REV1: variants seen among roughly 807,000 people sequenced by gnomAD.
The protein encoded by REV1 is REV1 DNA directed polymerase.
A neutral mutation model predicts 137.4 loss-of-function variants in REV1; 42 were observed. The ratio of observed to expected loss-of-function variants is 0.31; its 90% CI spans 0.24 to 0.40. REV1 has a LOEUF of 0.40. REV1 is among the 10% of genes least tolerant of loss of function. The probability of loss-of-function intolerance (pLI) is 1.00; values close to 1 mark genes in which losing one functional copy is unlikely to be tolerated. For missense variants in REV1, 1,282 were observed against 1,490.1 expected (o/e 0.86, Z 2.30); for synonymous variants, 524 against 519.2 (o/e 1.01, Z -0.12).
intron 8 of REV1, chr2:99,432,032 G>T: frequency 2.3e-6 from 1 of 433,126 alleles, no homozygotes; most frequent in Non-Finnish European, 3.1e-6. Context: ...TTGTCGATGG[G>T]ATAGAAAACA....
intron 15 of REV1, among the ~76,000 whole-genome samples, chr2:99,407,645 C>A (rs1676524799): frequency 6.6e-6 from 1 of 151,970 alleles, no homozygotes; most frequent in Admixed American, 6.5e-5. Flanking sequence ...TGGTTTCACT[C>A]CCTTCTAGGT....
At chr2:99,443,438 AAAT>A (rs1258017398) in intron 4 of REV1, among the ~76,000 whole-genome samples, 1 of 152,242 alleles carries the variant, frequency 6.6e-6, no homozygotes, top group Non-Finnish European at 1.5e-5. Flanking sequence ...ACTTTTTAAA[AAAT>A]AATCATTTAA....
chr2:99,448,089 C>T (rs1682453342), intron 4 of REV1, among the ~76,000 whole-genome samples: 2 of 152,192 alleles, frequency 1.3e-5, no homozygotes. Flanking sequence ...AGAGCCCAGG[C>T]CCAGCCTTTT....
intron 3 of REV1, among the ~76,000 whole-genome samples, chr2:99,454,995 G>A (rs1045106511): frequency 3.3e-5 from 5 of 152,142 alleles, no homozygotes; most frequent in African/African-American, 4.8e-5. Context: ...CCACTTTCAC[G>A]TCTGTAGGCC....
At chr2:99,471,072 A>C (rs955427931) in intron 1 of REV1, among the ~76,000 whole-genome samples, 3 of 152,256 alleles carry the variant, frequency 2.0e-5, no homozygotes, top group African/African-American at 7.2e-5. Context: ...GCATAACATA[A>C]TTCATGAATA....
Position 99,410,074 on chromosome 2 carries a change from G to A in REV1, c.2345+621C>T, listed in dbSNP as rs149739573. On this transcript the variant is annotated intron_variant, in intron 14 of 22. Coordinates refer to ENST00000258428, the MANE Select transcript of REV1 (RefSeq NM_016316.4). ...TGCCCAGGCAGGAGTGCACTGGCGC[G>A]ATCTCAGCTCACTGCAACCTCTGCC... Among the ~76,000 whole-genome samples, 41 of 151,844 alleles carry A rather than the reference G, an allele frequency of 2.7e-4. 1 individual carries two copies. Among genetic ancestry groups the A allele is most frequent in the African/African-American group, 2.2e-4 (9 of 41,450 alleles).
chr2:99,467,135 C>G (rs1211874905), intron 1 of REV1, among the ~76,000 whole-genome samples: 1 of 152,080 alleles, frequency 6.6e-6, no homozygotes, highest in African/African-American at 2.4e-5. Context: ...GTGGCCCAAT[C>G]ATTTAAGAGA....
chr2:99,480,197 C>T (rs1471888268), intron 1 of REV1, among the ~76,000 whole-genome samples: 1 of 152,120 alleles, frequency 6.6e-6, no homozygotes, highest in East Asian at 1.9e-4. Context: ...GTGGTGCACG[C>T]CCATGGCCAC....
At chr2:99,451,789 GAA>G (rs1251786390) in intron 3 of REV1, among the ~76,000 whole-genome samples, 1 of 151,678 alleles carries the variant, frequency 6.6e-6, no homozygotes. Flanking sequence ...AAAAATGACA[GAA>G]GACAATATAC....
At chr2:99,424,745 A>G (rs1402856172) in intron 9 of REV1, 7 of 1,301,044 alleles carry the variant, frequency 5.4e-6, no homozygotes, top group East Asian at 5.6e-5. Context: ...CTATGTGACA[A>G]ACAGACAAAA....
At chr2:99,406,901 C>G (rs1676374247) in intron 15 of REV1, 1 of 152,796 alleles carries the variant, frequency 6.5e-6, no homozygotes, top group African/African-American at 2.4e-5. Flanking sequence ...AAAATATTGG[C>G]GGGAGTGATG....
At chr2:99,412,169 G>A (rs971627826) in intron 13 of REV1, among the ~76,000 whole-genome samples, 21 of 148,018 alleles carry the variant, frequency 1.4e-4, no homozygotes, top group South Asian at 4.3e-4. Flanking sequence ...GGAAACGGAG[G>A]TTGCAGTGAG....
intron 8 of REV1, among the ~76,000 whole-genome samples, chr2:99,432,298 T>TA (rs1387932921): frequency 2.0e-5 from 3 of 152,138 alleles, no homozygotes; most frequent in African/African-American, 7.2e-5. Flanking sequence ...ATACTTTGTC[T>TA]AGACATATAA....
chr2:99,475,261 T>C (rs772542060), intron 1 of REV1, among the ~76,000 whole-genome samples: 2 of 152,196 alleles, frequency 1.3e-5, no homozygotes, highest in Non-Finnish European at 2.9e-5. Flanking sequence ...TCTGTATTTG[T>C]TCCGATTGGC....
At chr2:99,426,174 G>A (rs1374631876) in intron 9 of REV1, among the ~76,000 whole-genome samples, 2 of 151,160 alleles carry the variant, frequency 1.3e-5, no homozygotes, top group Non-Finnish European at 2.9e-5. Context: ...GTGAAACCCT[G>A]TCTCTACTAA....
chr2:99,400,507 T>C lies in REV1; in HGVS notation c.*734A>G, dbSNP rs1675220704. On this transcript the variant is annotated 3_prime_UTR_variant, in exon 23 of 23. Transcript: ENST00000258428. ...TTAAACTATTTTTATTTTAAAGTTATGGCATAACATATAACATAAAAATAT... is the reference window on the plus strand; with the variant it reads ...TTAAACTATTTTTATTTTAAAGTTACGGCATAACATATAACATAAAAATAT... 1 of 152,190 alleles carries C rather than the reference T, an allele frequency of 6.6e-6. No individual in the cohort carries two copies. The highest frequency in any genetic ancestry group is 1.5e-5 in the Non-Finnish European group (1 of 68,038). The allele number at this position is 152,190 out of a possible 1,614,324, so 9.4% of individuals were successfully genotyped here.
intron 22 of REV1, 39 bp downstream of exon 22, chr2:99,402,205 G>A (rs760933079): frequency 1.2e-6 from 1 of 845,484 alleles, no homozygotes; most frequent in Non-Finnish European, 1.9e-6. Flanking sequence ...ATTGTGACAT[G>A]CCATTTTTTC....
At chr2:99,406,532 G>C in intron 15 of REV1, 42 bp from the exon 16 acceptor site, 2 of 1,461,402 alleles carry the variant, frequency 1.4e-6, no homozygotes, top group Non-Finnish European at 9.1e-7. Context: ...GAAAACTAAA[G>C]TGAAAATATG....
At chr2:99,482,169 A>G (rs1686675451) in intron 1 of REV1, among the ~76,000 whole-genome samples, 1 of 152,234 alleles carries the variant, frequency 6.6e-6, no homozygotes, top group Non-Finnish European at 1.5e-5. Flanking sequence ...CCTATGTAAT[A>G]AAAGTCCCAT....
Sources: allele counts gnomAD v4.1 joint callset (sites outside exome capture counted in the v4.1 genomes callset), GRCh38; gene constraint gnomAD v4.1.1; transcripts MANE v1.5; gene names NCBI Gene and HGNC (gene_info 2026-07-23, HGNC 2026-07-21).